SPTLC2: variants seen among roughly 807,000 people sequenced by gnomAD.
The protein encoded by SPTLC2 is serine palmitoyltransferase long chain base subunit 2.
In SPTLC2, 21 loss-of-function variants were observed where a neutral mutation model predicts 62.0. The ratio of observed to expected loss-of-function variants is 0.34; its 90% confidence interval spans 0.24 to 0.49. The LOEUF is 0.49. SPTLC2 is among the 20% of genes least tolerant of loss of function. SPTLC2 has a pLI of 0.99. For missense variants in SPTLC2, 511 were observed against 713.0 expected, an observed-to-expected ratio of 0.72 and a Z score of 3.23; for synonymous variants, 261 against 261.8, an observed-to-expected ratio of 1.00 and a Z score of 0.03.
At chr14:77,585,336 C>A (rs546989370) in intron 2 of SPTLC2, among the ~76,000 whole-genome samples, 174 of 152,282 alleles carry the variant, frequency 1.1e-3, no homozygotes, top group African/African-American at 3.8e-3. Context: ...AGTCACATAA[C>A]AATGCAGTGA....
intron 9 of SPTLC2, among the ~76,000 whole-genome samples, chr14:77,533,300 C>CAAAAAAAAAAA: frequency 1.0e-5 from 1 of 98,498 alleles, no homozygotes; most frequent in Non-Finnish European, 2.1e-5. Context: ...AACTCCGTTG[C>CAAAAAAAAAAA]AAAAAAAAAA....
chr14:77,532,775 C>G (rs191014982), intron 9 of SPTLC2, among the ~76,000 whole-genome samples: 22 of 151,240 alleles, frequency 1.5e-4, no homozygotes, highest in Non-Finnish European at 2.8e-4. Context: ...CAGAGCAAGA[C>G]TCTGTCTCAA....
chr14:77,583,040 A>G (rs1371316990), intron 2 of SPTLC2, among the ~76,000 whole-genome samples: 1 of 152,020 alleles, frequency 6.6e-6, no homozygotes, highest in Non-Finnish European at 1.5e-5. Context: ...TCACTACAAA[A>G]AATACAAAAA....
intron 9 of SPTLC2, among the ~76,000 whole-genome samples, chr14:77,548,712 A>G (rs917525713): frequency 6.6e-6 from 1 of 152,142 alleles, no homozygotes; most frequent in Non-Finnish European, 1.5e-5. Flanking sequence ...ACCTAGTCAT[A>G]TGTCCTGTTC....
chr14:77,531,469 TCC>T (rs2079439259), intron 9 of SPTLC2, among the ~76,000 whole-genome samples: 2 of 105,778 alleles, frequency 1.9e-5, no homozygotes, highest in African/African-American at 8.5e-5. Flanking sequence ...CTCCTCCTCC[TCC>T]TCCCCCTCCC....
intron 9 of SPTLC2, among the ~76,000 whole-genome samples, chr14:77,543,563 C>T (rs1245861118): frequency 6.6e-6 from 1 of 152,122 alleles, no homozygotes; most frequent in African/African-American, 2.4e-5. Context: ...ATTTTAACAA[C>T]TTTATAGTGG....
chr14:77,598,279 A>G (rs1271924024), intron 1 of SPTLC2, among the ~76,000 whole-genome samples: 10 of 152,186 alleles, frequency 6.6e-5, no homozygotes. Flanking sequence ...TAAGAACACC[A>G]CCTAACACTG....
chr14:77,598,397 T>C (rs61990796), intron 1 of SPTLC2, among the ~76,000 whole-genome samples: 12,355 of 152,128 alleles, frequency 0.081, 719 homozygotes, highest in Non-Finnish European at 0.12. Context: ...AGAAAGCCTG[T>C]CCCAAAAAAG....
chr14:77,598,792 C>A (rs906800542), intron 1 of SPTLC2, among the ~76,000 whole-genome samples: 1 of 152,042 alleles, frequency 6.6e-6, no homozygotes, highest in African/African-American at 2.4e-5. Flanking sequence ...AAAACACTAG[C>A]TGGACATGGT....
intron 1 of SPTLC2, among the ~76,000 whole-genome samples, chr14:77,599,160 T>G (rs540590614): frequency 3.3e-5 from 5 of 152,330 alleles, no homozygotes; most frequent in African/African-American, 9.6e-5. Flanking sequence ...TTTTGCTTCT[T>G]GGTCAATTTT....
rs1336810859 is a variant in SPTLC2, at chr14:77,570,334, CAAA to C, written c.756+47_756+49del. 6 of 1,587,454 alleles carry C rather than the reference CAAA, an allele frequency of 3.8e-6. No homozygotes were observed. The East Asian group carries it at 1.4e-4, about 36-fold the overall frequency. ...AGCTCACTCTGACTGCTTTTCAAAA[CAAA>C]AGAAGATATACATGAGGGAGTTTTC... On this transcript the variant is annotated intron_variant, in intron 5 of 11. Coordinates refer to ENST00000216484, the MANE Select transcript of SPTLC2 (RefSeq NM_004863.4).
intron 1 of SPTLC2, among the ~76,000 whole-genome samples, chr14:77,607,683 A>G (rs1340407715): frequency 1.3e-5 from 2 of 152,196 alleles, no homozygotes; most frequent in African/African-American, 2.4e-5. Context: ...ATAATTAGCT[A>G]TTTTTGTTAT....
At chr14:77,560,756 G>A (rs1186720777) in intron 6 of SPTLC2, among the ~76,000 whole-genome samples, 2 of 151,824 alleles carry the variant, frequency 1.3e-5, no homozygotes, top group Admixed American at 1.3e-4. Flanking sequence ...ACTAATACAG[G>A]AACAGAAAAC....
intron 2 of SPTLC2, among the ~76,000 whole-genome samples, chr14:77,582,880 G>A (rs1189231477): frequency 6.6e-6 from 1 of 152,262 alleles, no homozygotes; most frequent in East Asian, 1.9e-4. Context: ...TAGTAGCTCT[G>A]ATCTCAGTCA....
intron 9 of SPTLC2, among the ~76,000 whole-genome samples, chr14:77,534,118 G>A (rs115230125): frequency 0.021 from 3,251 of 151,226 alleles, 96 homozygotes; most frequent in African/African-American, 0.074. Flanking sequence ...AGAGCATGCC[G>A]CCGCACTACA....
intron 1 of SPTLC2, among the ~76,000 whole-genome samples, chr14:77,603,005 AAC>A (rs1264447955): frequency 4.6e-5 from 7 of 152,234 alleles, no homozygotes; most frequent in Non-Finnish European, 7.3e-5. Context: ...ATTAAAATAA[AAC>A]AGTTTTTATT....
At chr14:77,550,711 G>C (rs950436076) in intron 9 of SPTLC2, among the ~76,000 whole-genome samples, 1 of 151,892 alleles carries the variant, frequency 6.6e-6, no homozygotes, top group African/African-American at 2.4e-5. Flanking sequence ...AGACCAACCT[G>C]GGCAACATGG....
chr14:77,611,392 A>C (rs1189254204), intron 1 of SPTLC2, among the ~76,000 whole-genome samples: 1 of 143,264 alleles, frequency 7.0e-6, no homozygotes, highest in Non-Finnish European at 1.5e-5. Context: ...GAGCCCGAGA[A>C]GTTGAGGCCG....
chr14:77,569,170 C>T (rs1248028066), intron 5 of SPTLC2, among the ~76,000 whole-genome samples: 1 of 152,120 alleles, frequency 6.6e-6, no homozygotes, highest in Admixed American at 6.5e-5. Context: ...TATATTAATA[C>T]AGGCACTTCA....
Sources: gnomAD v4.1 joint callset for allele counts (sites outside exome capture counted in the v4.1 genomes callset) on GRCh38, gnomAD v4.1.1 for gene constraint, MANE v1.5 for transcripts, NCBI Gene and HGNC (gene_info 2026-07-23, HGNC 2026-07-21) for gene names.